OR2T6: variants seen among roughly 807,000 people sequenced by gnomAD.
OR2T6 encodes the protein olfactory receptor 2T6.
For missense variants in OR2T6, 424 were observed against 391.6 expected (o/e 1.08, Z -0.70); for synonymous variants, 174 against 148.0 (o/e 1.18, Z -1.27).
intron 2 of OR2T6, among the ~76,000 whole-genome samples, chr1:248,386,759 G>A (rs537687852): frequency 4.7e-4 from 72 of 152,248 alleles, no homozygotes; most frequent in African/African-American, 1.6e-3. Context: ...CTTTAGGGAT[G>A]TCACATTTGC....
At chr1:248,387,267 T>C (rs1254123668) in intron 2 of OR2T6, among the ~76,000 whole-genome samples, 1 of 152,240 alleles carries the variant, frequency 6.6e-6, no homozygotes, top group Non-Finnish European at 1.5e-5. Context: ...CTTTCAGTTG[T>C]ATCCACATTT....
intron 1 of OR2T6, among the ~76,000 whole-genome samples, chr1:248,378,647 C>T (rs1350463394): frequency 6.6e-6 from 1 of 152,150 alleles, no homozygotes; most frequent in East Asian, 1.9e-4. Flanking sequence ...TCATCCTTTA[C>T]ATTTCACACT....
intron 1 of OR2T6, among the ~76,000 whole-genome samples, chr1:248,381,651 A>T (rs1052533987): frequency 2.0e-5 from 3 of 152,072 alleles, no homozygotes; most frequent in Non-Finnish European, 4.4e-5. Flanking sequence ...ATAGATATAT[A>T]TGTATCTATC....
At position 248,388,314 on chromosome 1, in the gene OR2T6, A is replaced by C; in HGVS notation, c.706A>C (p.Lys236Gln). Residue 236 changes from lysine (K) to glutamine (Q), a missense_variant, in exon 3 of 3, where the codon AAG becomes CAG. Physicochemically the swap from Lys to Gln is moderately conservative, Grantham distance 53. Coordinates refer to ENST00000641644, the MANE Select transcript of OR2T6 (RefSeq NM_001005471.2). The stretch of plus-strand genomic sequence containing the variant: ...GATGACATCGGCTGAAGGGAGGAAG[A>C]AGGCCTTTGCCACCTGCTCTTCACA... ...HQMTSAEGRK[K>Q]AFATCSSHMM... The C allele has an allele frequency of 6.2e-7, 1 of 1,613,688 alleles. No homozygotes were observed. The highest frequency in any genetic ancestry group is 8.5e-7 in the Non-Finnish European group (1 of 1,179,818).
At chr1:248,377,837 A>G (rs1243255553) in intron 1 of OR2T6, among the ~76,000 whole-genome samples, 1 of 152,138 alleles carries the variant, frequency 6.6e-6, no homozygotes, top group African/African-American at 2.4e-5. Flanking sequence ...TTTTTTTCCT[A>G]TCCCAACCCA....
At chr1:248,387,498 TA>T (rs1301825337) in intron 2 of OR2T6, 106 bp from the exon 3 acceptor site, 1 of 658,068 alleles carries the variant, frequency 1.5e-6, no homozygotes, top group Non-Finnish European at 2.4e-6. Flanking sequence ...ATTAGCTACA[TA>T]AAAGATTTTA....
chr1:248,390,161 A>G lies in OR2T6; in HGVS notation c.*1626A>G, dbSNP rs1661223984. 1 of 152,218 alleles carries G rather than the reference A, an allele frequency of 6.6e-6. No individual in the cohort carries two copies. The highest frequency in any genetic ancestry group is 1.5e-5 in the Non-Finnish European group (1 of 68,030). 9.4% of individuals were successfully genotyped at this position (152,218 alleles called of 1,614,324 possible). On this transcript the variant is annotated 3_prime_UTR_variant, in exon 3 of 3. Coordinates refer to ENST00000641644, the MANE Select transcript of OR2T6 (RefSeq NM_001005471.2). ...AGACAACACATCTTATCCTTGTTGGAAAAGTGCTCTATGAAATATAAAATA... is the reference window on the plus strand; with the variant it reads ...AGACAACACATCTTATCCTTGTTGGGAAAGTGCTCTATGAAATATAAAATA...
Position 248,377,993 on chromosome 1 carries a change from T to C in OR2T6, c.-159+1939T>C, listed in dbSNP as rs535749919. ...ACTAAGCTACACCATTATCAATGAG[T>C]ATAATGTAAATTGAGCAATGTTTGA... On this transcript the variant is annotated intron_variant, in intron 1 of 2. Transcript: ENST00000641644. Among the ~76,000 whole-genome samples, 5 of 152,338 alleles carry C rather than the reference T, an allele frequency of 3.3e-5. No individual in the cohort carries two copies. The East Asian group carries it at 9.6e-4, about 29-fold the overall frequency.
At chr1:248,381,540 A>G (rs893102423) in intron 1 of OR2T6, among the ~76,000 whole-genome samples, 1 of 152,080 alleles carries the variant, frequency 6.6e-6, no homozygotes, top group Non-Finnish European at 1.5e-5. Flanking sequence ...ATTCTATTTA[A>G]ATAGAATTTG....
chr1:248,387,048 G>C (rs1661146011), intron 2 of OR2T6, among the ~76,000 whole-genome samples: 1 of 152,200 alleles, frequency 6.6e-6, no homozygotes, highest in Non-Finnish European at 1.5e-5. Context: ...TTGACAAATG[G>C]TGAGGGAACA....
chr1:248,390,744 A>G lies in OR2T6; in HGVS notation c.*2209A>G, dbSNP rs1295512871. On this transcript the variant is annotated 3_prime_UTR_variant, in exon 3 of 3. Transcript: ENST00000641644. ...GATGTTGAGGTACAAAAAACACAAC[A>G]AATCAGAAGAGAAGGAGAGGGCTGG... is the stretch of plus-strand genomic sequence containing the variant. 1 of 152,234 alleles carries G rather than the reference A, an allele frequency of 6.6e-6. No homozygotes were observed. Among genetic ancestry groups the G allele is most frequent in the African/African-American group, 2.4e-5 (1 of 41,454 alleles). 9.4% of individuals were successfully genotyped at this position (152,234 alleles called of 1,614,324 possible).
chr1:248,383,068 A>T (rs1281085365), intron 1 of OR2T6, among the ~76,000 whole-genome samples: 1 of 149,320 alleles, frequency 6.7e-6, no homozygotes, highest in Non-Finnish European at 1.5e-5. Flanking sequence ...GCACTGCACT[A>T]GCCTGAGTGT....
Position 248,388,588 on chromosome 1 carries a change from C to A in OR2T6, c.*53C>A. 1.5e-6 allele frequency: 2 copies of A among 1,375,494 alleles called. No individual in the cohort carries two copies. The highest frequency in any genetic ancestry group is 2.0e-6 in the Non-Finnish European group (2 of 1,008,146). The allele number at this position is 1,375,494 out of a possible 1,614,324, so 85.2% of individuals were successfully genotyped here. On this transcript the variant is annotated 3_prime_UTR_variant, in exon 3 of 3. Transcript: ENST00000641644. ...TTCTGATGGTCTAAAACCTCCACAT[C>A]CTGTTCAGGCATATATGGGGTCGTA...
Position 248,391,598 on chromosome 1 carries a change from A to G in OR2T6, c.*3063A>G, listed in dbSNP as rs1661249876. ...GGAAAAAAACATACAACTCTGGAAC[A>G]GAAAGACTCATCCTTATGTAAAATA... On this transcript the variant is annotated 3_prime_UTR_variant, in exon 3 of 3. Coordinates refer to ENST00000641644, the MANE Select transcript of OR2T6 (RefSeq NM_001005471.2). 1 of 152,224 alleles carries G rather than the reference A, an allele frequency of 6.6e-6. No homozygotes were observed. Among genetic ancestry groups the G allele is most frequent in the African/African-American group, 2.4e-5 (1 of 41,456 alleles). The allele number at this position is 152,224 out of a possible 1,614,324, so 9.4% of individuals were successfully genotyped here. A position where few individuals can be genotyped will look rare whatever the true frequency, so the allele number is the denominator to read the frequency against.
chr1:248,379,988 A>G (rs192517221), intron 1 of OR2T6, among the ~76,000 whole-genome samples: 48 of 152,142 alleles, frequency 3.2e-4, no homozygotes, highest in African/African-American at 1.1e-3. Flanking sequence ...TACATTGGGT[A>G]TATCTCCTAA....
rs1481769893 is a variant in OR2T6 at position 248,388,085 on chromosome 1, C to T, written c.477C>T (p.Leu159=). Residue 159 remains leucine (L), a synonymous_variant, in exon 3 of 3, where the codon CTC becomes CTT. Coordinates refer to ENST00000641644, the MANE Select transcript of OR2T6 (RefSeq NM_001005471.2). ...GTGGGGCTTTGGACAGTTTTCTCCT[C>T]ACCCCCATTACCATGAGTCTCCCGT... The part of the protein sequence containing the change: ...WFGGALDSFL[L]TPITMSLPFC... 14 of 1,613,938 alleles carry T rather than the reference C, an allele frequency of 8.7e-6. No homozygotes were observed. Among genetic ancestry groups the T allele is most frequent in the Non-Finnish European group, 8.5e-7 (1 of 1,180,026 alleles).
At chr1:248,380,298 A>C (rs1156490205) in intron 1 of OR2T6, among the ~76,000 whole-genome samples, 2 of 151,930 alleles carry the variant, frequency 1.3e-5, no homozygotes, top group African/African-American at 4.8e-5. Flanking sequence ...TAAATATTTT[A>C]TCACTCTTCT....
At chr1:248,380,712 G>A (rs745829120) in intron 1 of OR2T6, among the ~76,000 whole-genome samples, 1 of 150,216 alleles carries the variant, frequency 6.7e-6, no homozygotes, top group Non-Finnish European at 1.5e-5. Context: ...TTAGGCATAC[G>A]TTAAAGTATT....
chr1:248,381,682 T>C (rs549857009), intron 1 of OR2T6, among the ~76,000 whole-genome samples: 73 of 152,082 alleles, frequency 4.8e-4, no homozygotes, highest in Non-Finnish European at 9.7e-4. Context: ...TATATATGTC[T>C]TTGTTGATAA....
Sources: allele counts gnomAD v4.1 joint callset (sites outside exome capture counted in the v4.1 genomes callset), GRCh38; gene constraint gnomAD v4.1.1; transcripts MANE v1.5; gene names NCBI Gene and HGNC (gene_info 2026-07-23, HGNC 2026-07-21).